Variants in PTK2 observed in about 807,000 individuals in gnomAD.
PTK2 encodes focal adhesion kinase 1.
A neutral mutation model predicts 150.1 loss-of-function variants in PTK2; 45 were observed. The ratio of observed to expected loss-of-function variants is 0.30; its 90% CI spans 0.24 to 0.38. The LOEUF (loss-of-function observed/expected upper bound fraction) is 0.38. PTK2 is among the 10% of genes least tolerant of loss of function. The pLI, the probability that PTK2 is intolerant of heterozygous loss-of-function variation, is 1.00. For missense variants in PTK2, 919 were observed against 1,307.3 expected (o/e 0.70, Z 4.58); for synonymous variants, 432 against 449.2 (o/e 0.96, Z 0.48).
intron 2 of PTK2, chr8:140,920,918 C>T (rs938943697): frequency 1.3e-6 from 2 of 1,510,648 alleles, no homozygotes; most frequent in East Asian, 2.6e-5. Context: ...CAACATACAC[C>T]CAATCCTATA....
At chr8:140,692,516 C>T (rs2100023774) in intron 26 of PTK2, among the ~76,000 whole-genome samples, 1 of 152,148 alleles carries the variant, frequency 6.6e-6, no homozygotes, top group Admixed American at 6.5e-5. Context: ...AGTCGGGAGG[C>T]TGAAGCAGGA....
intron 1 of PTK2, among the ~76,000 whole-genome samples, chr8:141,000,706 C>T (rs2100199837): frequency 6.7e-6 from 1 of 149,156 alleles, no homozygotes; most frequent in African/African-American, 2.5e-5. Flanking sequence ...CCCGGACTCC[C>T]CACGTCCCCC....
At chr8:140,860,218 T>C (rs2100135249) in intron 5 of PTK2, among the ~76,000 whole-genome samples, 1 of 152,212 alleles carries the variant, frequency 6.6e-6, no homozygotes. Flanking sequence ...CTGCAACGCC[T>C]CTAATTTCTT....
intron 31 of PTK2, among the ~76,000 whole-genome samples, chr8:140,660,963 A>C (rs2078923365): frequency 6.6e-6 from 1 of 152,226 alleles, no homozygotes; most frequent in East Asian, 1.9e-4. Context: ...TTTTACCCGC[A>C]GTCTACAATG....
intron 1 of PTK2, among the ~76,000 whole-genome samples, chr8:140,970,843 TTGTCTGACTACAACA>T (rs71310808): frequency 0.43 from 64,239 of 150,460 alleles, 15,785 homozygotes; most frequent in Non-Finnish European, 0.57. Flanking sequence ...CCATGTTAAG[TTGTCTGACTACAACA>T]TGTCTGACTA....
At chr8:140,876,686 C>T (rs376865361) in intron 4 of PTK2, among the ~76,000 whole-genome samples, 2 of 152,112 alleles carry the variant, frequency 1.3e-5, no homozygotes, top group African/African-American at 4.8e-5. Flanking sequence ...TGACATCATT[C>T]TTCATGTTAC....
rs778199854 is a variant in PTK2 at position 140,885,249 on chromosome 8, A to G, written c.195+5294T>C. On this transcript the variant is annotated intron_variant, in intron 3 of 31. Coordinates refer to ENST00000522684, the Ensembl canonical transcript of PTK2. ...TCAATATCTTTGTGGTTATTTGTCA[A>G]TTAAGGCTTTCTACTTCTGTGGTCA... 3.3e-5 allele frequency among the ~76,000 whole-genome samples: 5 copies of G among 152,318 alleles called. No individual in the cohort carries two copies. The East Asian group carries it at 5.8e-4, about 18-fold the overall frequency.
chr8:140,975,425 T>C (rs919688477), intron 1 of PTK2, among the ~76,000 whole-genome samples: 1 of 152,130 alleles, frequency 6.6e-6, no homozygotes, highest in Non-Finnish European at 1.5e-5. Context: ...GATAAAAATA[T>C]TCAGTTCCAC....
chr8:140,805,581 T>C (rs1245864272), intron 10 of PTK2, among the ~76,000 whole-genome samples: 4 of 148,702 alleles, frequency 2.7e-5, no homozygotes. Flanking sequence ...AAAAAAAAGA[T>C]CATATTCAAC....
intron 10 of PTK2, among the ~76,000 whole-genome samples, chr8:140,810,734 A>G (rs2100101015): frequency 6.6e-6 from 1 of 152,216 alleles, no homozygotes; most frequent in Admixed American, 6.5e-5. Context: ...CTTGGCAGGC[A>G]CAGAGCCAAC....
chr8:140,988,029 A>G (rs1177302362), intron 1 of PTK2, among the ~76,000 whole-genome samples: 1 of 147,756 alleles, frequency 6.8e-6, no homozygotes, highest in Non-Finnish European at 1.5e-5. Context: ...TGGACAACAG[A>G]GTGAGACCCT....
chr8:140,669,599 G>C, intron 29 of PTK2, 128 bp downstream of exon 33: 1 of 992,432 alleles, frequency 1.0e-6, no homozygotes, highest in Non-Finnish European at 1.5e-6. Flanking sequence ...TGTCAGTCAT[G>C]AGAGGTGACA....
intron 27 of PTK2, among the ~76,000 whole-genome samples, chr8:140,676,765 T>TAAAAAAAAAAA (rs869199304): frequency 0.043 from 2,404 of 55,424 alleles, 330 homozygotes; most frequent in Non-Finnish European, 0.056. Context: ...GTCTCTACTT[T>TAAAAAAAAAAA]AAAAAAAAAA....
At chr8:140,812,087 T>C (rs1441987399) in intron 10 of PTK2, among the ~76,000 whole-genome samples, 1 of 152,102 alleles carries the variant, frequency 6.6e-6, no homozygotes, top group Non-Finnish European at 1.5e-5. Flanking sequence ...GAGAAGATCA[T>C]TCCCAAGACA....
At chr8:140,707,234 T>TAA (rs2100034312) in intron 23 of PTK2, among the ~76,000 whole-genome samples, 1 of 152,066 alleles carries the variant, frequency 6.6e-6, no homozygotes, top group African/African-American at 2.4e-5. Flanking sequence ...GATTTCATTT[T>TAA]GGGGGTGATA....
intron 1 of PTK2, among the ~76,000 whole-genome samples, chr8:140,989,009 CA>C (rs34982618): frequency 1.3e-5 from 2 of 150,292 alleles, no homozygotes; most frequent in East Asian, 2.0e-4. Flanking sequence ...GTGGGGAAGA[CA>C]AAAAAAAGGA....
chr8:140,715,241 C>T (rs1343919979), intron 23 of PTK2, among the ~76,000 whole-genome samples: 1 of 127,776 alleles, frequency 7.8e-6, no homozygotes, highest in Non-Finnish European at 1.6e-5. Flanking sequence ...GGCGTGATCT[C>T]GGCTCACTGC....
chr8:140,843,923 A>G (rs757800271), intron 7 of PTK2, among the ~76,000 whole-genome samples: 4 of 152,192 alleles, frequency 2.6e-5, no homozygotes, highest in African/African-American at 9.7e-5. Flanking sequence ...CTGTTCCAAC[A>G]TCATATGGAG....
intron 2 of PTK2, among the ~76,000 whole-genome samples, chr8:140,913,021 A>C (rs1189624673): frequency 6.6e-6 from 1 of 152,196 alleles, no homozygotes; most frequent in African/African-American, 2.4e-5. Flanking sequence ...TTAACACTGA[A>C]CATGTTCTCC....
Sources: gnomAD v4.1 joint callset for allele counts (sites outside exome capture counted in the v4.1 genomes callset) on GRCh38, gnomAD v4.1.1 for gene constraint, MANE v1.5 for transcripts, NCBI Gene and HGNC (gene_info 2026-07-23, HGNC 2026-07-21) for gene names.